DEAF1: variants seen among roughly 807,000 people sequenced by gnomAD.
DEAF1 encodes DEAF1 transcription factor.
In DEAF1, 53 loss-of-function variants were observed where a neutral mutation model predicts 58.9. The ratio of observed to expected loss-of-function variants is 0.90; its 90% confidence interval spans 0.72 to 1.13. The LOEUF (loss-of-function observed/expected upper bound fraction) is 1.13. Ranked by LOEUF, DEAF1 falls within the 50% of genes most tolerant of loss-of-function variation. The pLI is 0.00. For missense variants in DEAF1, 685 were observed against 791.4 expected, an observed-to-expected ratio of 0.87 and a Z score of 1.61; for synonymous variants, 385 against 340.4, an observed-to-expected ratio of 1.13 and a Z score of -1.44.
chr11:668,519 C>T (rs895712180), intron 10 of DEAF1, among the ~76,000 whole-genome samples: 2 of 151,966 alleles, frequency 1.3e-5, no homozygotes, highest in African/African-American at 4.8e-5. Context: ...TCCAGTGATC[C>T]GGCTAATGAA....
chr11:694,831 G>A lies in DEAF1; in HGVS notation c.217C>T (p.Pro73Ser), dbSNP rs1243122062. The A allele has an allele frequency of 4.1e-6, 6 of 1,460,554 alleles. No homozygotes were observed. The highest frequency in any genetic ancestry group is 2.4e-4 in the Middle Eastern group (1 of 4,182). The allele number at this position is 1,460,554 out of a possible 1,614,324, so 90.5% of individuals were successfully genotyped here. A position where few individuals can be genotyped will look rare whatever the true frequency, so the allele number is the denominator to read the frequency against. ...TCGGCGCCCATGTCCATGTGCCCGG[G>A]CTCCGCCGCCATCACCGCCACTGCC... ...VTAVAVMAAEPGHMDMGAEAL... is the reference protein window; with the variant it reads ...VTAVAVMAAESGHMDMGAEAL... The change falls in exon 1 of 12, where the codon CCC (proline) becomes TCC (serine). Residue 73 changes from proline to serine, a missense_variant. By Grantham distance (74) the Pro-to-Ser change is moderately conservative. Around this residue, in one of 3 missense-constraint regions of DEAF1, gnomAD observed 210 missense variants for 177.3 expected, o/e 1.18. Transcript: ENST00000382409.
At chr11:650,409 T>TATCAGACTAGATTAAA in intron 11 of DEAF1, among the ~76,000 whole-genome samples, 1 of 138,920 alleles carries the variant, frequency 7.2e-6, no homozygotes, top group South Asian at 2.3e-4. Context: ...AGGCAGAGAC[T>TATCAGACTAGATTAAA]ATCAGACTAG....
intron 11 of DEAF1, among the ~76,000 whole-genome samples, chr11:653,206 C>G (rs1858866803): frequency 6.6e-6 from 1 of 151,260 alleles, no homozygotes; most frequent in Non-Finnish European, 1.5e-5. Context: ...TCTTGAATTT[C>G]TGTGGAGCGG....
intron 10 of DEAF1, among the ~76,000 whole-genome samples, chr11:660,097 C>T (rs1457593602): frequency 2.0e-5 from 3 of 152,160 alleles, no homozygotes; most frequent in Non-Finnish European, 4.4e-5. Context: ...CCCGTGAGGG[C>T]GCAGCAGCTC....
chr11:706,299 CG>C (rs1861709442), intron 1 of DEAF1: 1 of 151,604 alleles, frequency 6.6e-6, no homozygotes, highest in African/African-American at 2.4e-5. Context: ...GTGAGCGCTG[CG>C]GACACGGGGG....
At chr11:666,446 G>A (rs1859526487) in intron 10 of DEAF1, 1 of 152,208 alleles carries the variant, frequency 6.6e-6, no homozygotes, top group Non-Finnish European at 1.5e-5. Flanking sequence ...CCTGAGGCTG[G>A]GCACGGTGGC....
intron 5 of DEAF1, among the ~76,000 whole-genome samples, chr11:685,657 T>C (rs1488086549): frequency 6.6e-6 from 1 of 151,456 alleles, no homozygotes; most frequent in African/African-American, 2.4e-5. Context: ...ATCACACCAC[T>C]GCACTCCAGC....
At chr11:695,263 T>G (rs1590029101), upstream of DEAF1, 2 of 467,896 alleles carry the variant, frequency 4.3e-6, no homozygotes, top group Non-Finnish European at 7.3e-6. Context: ...GCTGCCCGAG[T>G]AGGAGCCGAA....
chr11:693,848 A>C (rs1860950484), intron 1 of DEAF1, among the ~76,000 whole-genome samples: 2 of 152,252 alleles, frequency 1.3e-5, no homozygotes, highest in Non-Finnish European at 2.9e-5. Context: ...GGAAAGCCAC[A>C]GCAGCCTCCC....
rs200931193 is a variant in DEAF1, at chr11:680,960, C to T, written c.997+3G>A. The T allele has an allele frequency of 4.0e-5, 65 of 1,614,034 alleles. No individual in the cohort carries two copies. Among genetic ancestry groups the T allele is most frequent in the Non-Finnish European group, 5.2e-5 (61 of 1,180,020 alleles). Reference sequence around the variant, plus strand: ...AACTAGAGCTGTGTTTTCTCAAACTCACAGGTGGTAGCCGCGGTGGCTGGA... The same window carrying T: ...AACTAGAGCTGTGTTTTCTCAAACTTACAGGTGGTAGCCGCGGTGGCTGGA... On this transcript the variant is annotated splice_donor_region_variant and intron_variant, in intron 7 of 11. Coordinates refer to ENST00000382409, the MANE Select transcript of DEAF1 (RefSeq NM_021008.4).
intron 5 of DEAF1, 58 bp from the exon 6 acceptor site, chr11:685,021 T>A: frequency 7.4e-7 from 1 of 1,344,880 alleles, no homozygotes; most frequent in Non-Finnish European, 1.0e-6. Context: ...TGTCAATCAT[T>A]CAATAATAGA....
intron 1 of DEAF1, among the ~76,000 whole-genome samples, chr11:705,886 A>C (rs1389828903): frequency 6.6e-6 from 1 of 152,184 alleles, no homozygotes; most frequent in Non-Finnish European, 1.5e-5. Flanking sequence ...GAAGAGCTCG[A>C]GGCCTCGCCC....
At position 695,019 on chromosome 11, in the gene DEAF1, T is replaced by G. The variant is rs1055955601; in HGVS notation, c.29A>C (p.Gln10Pro). The G allele has an allele frequency of 7.2e-7, 1 of 1,381,076 alleles. No homozygotes were observed. Among genetic ancestry groups the G allele is most frequent in the Non-Finnish European group, 9.4e-7 (1 of 1,061,934 alleles). The allele number at this position is 1,381,076 out of a possible 1,614,324, so 85.6% of individuals were successfully genotyped here. Residue 10 changes from glutamine to proline, a missense_variant, in exon 1 of 12, where the codon CAG becomes CCG. By Grantham distance (76) the Gln-to-Pro change is moderately conservative. Coordinates refer to ENST00000382409, the MANE Select transcript of DEAF1 (RefSeq NM_021008.4). ...CGCCGCCGCCTCAGCCAGGCCCAGCTGCTTTGCCGCCGAGTCCGAGTCCTC... is the reference window on the plus strand; with the variant it reads ...CGCCGCCGCCTCAGCCAGGCCCAGCGGCTTTGCCGCCGAGTCCGAGTCCTC... MEDSDSAAKQLGLAEAAAVA... is the reference protein window; with the variant it reads MEDSDSAAKPLGLAEAAAVA...
At chr11:700,393 G>C (rs1201868901) in intron 1 of DEAF1, among the ~76,000 whole-genome samples, 1 of 152,072 alleles carries the variant, frequency 6.6e-6, no homozygotes, top group African/African-American at 2.4e-5. Flanking sequence ...CGGGCGTGGT[G>C]GTGGGCGCCT....
intron 9 of DEAF1, among the ~76,000 whole-genome samples, chr11:675,929 C>CA (rs1860032489): frequency 1.2e-5 from 1 of 86,472 alleles, no homozygotes; most frequent in Non-Finnish European, 2.3e-5. Flanking sequence ...TGACACCCCC[C>CA]AGCACCTGAC....
intron 6 of DEAF1, 95 bp downstream of exon 6, chr11:684,802 AG>A (rs1469928876): frequency 9.6e-7 from 1 of 1,037,614 alleles, no homozygotes; most frequent in Non-Finnish European, 1.5e-6. Context: ...GGCAGAGGGC[AG>A]GAGGGAAACA....
At chr11:683,402 C>T (rs996775095) in intron 6 of DEAF1, among the ~76,000 whole-genome samples, 12 of 152,156 alleles carry the variant, frequency 7.9e-5, no homozygotes, top group Admixed American at 3.9e-4. Flanking sequence ...AACGTCCTGT[C>T]ACTCCAAGGC....
chr11:695,947 C>A (rs1861125821), upstream of DEAF1: 4 of 930,232 alleles, frequency 4.3e-6, no homozygotes, highest in Non-Finnish European at 5.6e-6. Flanking sequence ...CTCACGGGGC[C>A]GTGCCACCGT....
chr11:694,698 C>A lies in DEAF1; in HGVS notation c.289+61G>T, dbSNP rs953903970. ...GGTCACCTGGGACAGTTGTGCGGGG[C>A]AGGCGCGCGGGGTAGGCGCGCGGGA... On this transcript the variant is annotated intron_variant, in intron 1 of 11. Coordinates refer to ENST00000382409, the MANE Select transcript of DEAF1 (RefSeq NM_021008.4). 3.1e-6 allele frequency: 4 copies of A among 1,272,640 alleles called. No individual in the cohort carries two copies. The East Asian group carries it at 1.3e-4, about 42-fold the overall frequency. The allele number at this position is 1,272,640 out of a possible 1,614,324, so 78.8% of individuals were successfully genotyped here. A position where few individuals can be genotyped will look rare whatever the true frequency, so the allele number is the denominator to read the frequency against.
Sources: gnomAD v4.1 joint callset for allele counts (sites outside exome capture counted in the v4.1 genomes callset) on GRCh38, gnomAD v4.1.1 for gene constraint, gnomAD v4.1.1 regional missense constraint, MANE v1.5 for transcripts, NCBI Gene and HGNC (gene_info 2026-07-23, HGNC 2026-07-21) for gene names.